CSNK1E: variants seen among roughly 807,000 people sequenced by gnomAD.
CSNK1E encodes the protein casein kinase I isoform epsilon.
CSNK1E carries 17 observed loss-of-function variants against 46.1 expected under a neutral mutation model. That is an observed-to-expected ratio of 0.37 (90% CI 0.25 to 0.55). The LOEUF (loss-of-function observed/expected upper bound fraction) is 0.55. Among genes scored for constraint, CSNK1E ranks in the 20% least tolerant of loss-of-function variants. CSNK1E has a pLI of 0.82. For missense variants in CSNK1E, 386 were observed against 595.4 expected (o/e 0.65, Z 3.66); for synonymous variants, 241 against 242.6 (o/e 0.99, Z 0.06).
At chr22:38,293,160 C>A in intron 10 of CSNK1E, 95 bp downstream of exon 10, 1 of 1,010,300 alleles carries the variant, frequency 9.9e-7, no homozygotes, top group Non-Finnish European at 1.6e-6. Flanking sequence ...CTGCCACTGC[C>A]ACCCACCCCT....
intron 2 of CSNK1E, among the ~76,000 whole-genome samples, chr22:38,307,425 G>T (rs889272602): frequency 6.6e-6 from 1 of 151,816 alleles, no homozygotes; most frequent in African/African-American, 2.4e-5. Context: ...CCGTGGGAGC[G>T]CCTGTAATCC....
intron 4 of CSNK1E, among the ~76,000 whole-genome samples, chr22:38,302,625 C>A (rs1015350792): frequency 6.6e-6 from 1 of 152,176 alleles, no homozygotes. Flanking sequence ...GCAGGAGAAT[C>A]GCGTGAACCT....
chr22:38,310,471 A>G (rs1216570493), intron 2 of CSNK1E, among the ~76,000 whole-genome samples: 1 of 152,214 alleles, frequency 6.6e-6, no homozygotes, highest in Non-Finnish European at 1.5e-5. Context: ...CCGTCCCGGC[A>G]GCAGCAGCGG....
intron 9 of CSNK1E, 65 bp from the exon 10 acceptor site, chr22:38,293,384 TCC>T: frequency 3.9e-6 from 4 of 1,021,326 alleles, no homozygotes; most frequent in Non-Finnish European, 6.0e-6. Flanking sequence ...TCAAGTCAAG[TCC>T]CTTAGCCGCT....
At chr22:38,292,646 A>G (rs1235388422) in intron 10 of CSNK1E, 1 of 153,632 alleles carries the variant, frequency 6.5e-6, no homozygotes, top group Non-Finnish European at 1.4e-5. Context: ...GAGAGCTCAG[A>G]TTATACCCTC....
chr22:38,301,885 A>G (rs868171026), intron 4 of CSNK1E, among the ~76,000 whole-genome samples: 43 of 152,212 alleles, frequency 2.8e-4, no homozygotes, highest in Middle Eastern at 3.4e-3. Context: ...TTCAGCCTAC[A>G]TCGCAGGGCT....
Position 38,291,035 on chromosome 22 carries a change from G to A in CSNK1E, c.*936C>T, listed in dbSNP as rs752318710. On this transcript the variant is annotated 3_prime_UTR_variant, in exon 11 of 11. Coordinates refer to ENST00000396832, the MANE Select transcript of CSNK1E (RefSeq NM_152221.3). ...CTCCTCAGAAAGGTGGAACCAGGGA[G>A]AGGGGGGACCCCAGGTGACTGTCAG... The A allele has an allele frequency of 3.9e-5, 6 of 152,338 alleles. No homozygotes were observed. The highest frequency in any genetic ancestry group is 8.8e-5 in the Non-Finnish European group (6 of 68,058). The allele number at this position is 152,338 out of a possible 1,614,324, so 9.4% of individuals were successfully genotyped here.
chr22:38,294,733 G>A lies in CSNK1E; in HGVS notation c.886-199C>T, dbSNP rs571072963. On this transcript the variant is annotated intron_variant, in intron 7 of 10. Transcript: ENST00000396832. This position sits in a 1 kb window ranked among gnomAD's most constrained non-coding sequence, Gnocchi z 5.5. ...GACACGAAGCCACACAACCACCAGAGGAAGGAGAAAGCAGGAGTCTGGGGG... is the reference window on the plus strand; with the variant it reads ...GACACGAAGCCACACAACCACCAGAAGAAGGAGAAAGCAGGAGTCTGGGGG... Among the ~76,000 whole-genome samples the A allele has an allele frequency of 1.9e-4, 29 of 152,268 alleles. No homozygotes were observed. The South Asian group carries it at 5.0e-3, about 26-fold the overall frequency.
At position 38,311,251 on chromosome 22, in the gene CSNK1E, G is replaced by A. The variant is rs186418102; in HGVS notation, c.76+2831C>T. Reference sequence around the variant, plus strand: ...AGATGGGGAAGCCAAGGATGGACAAGGTCATCACCTGCTCAAGCGCATACA... The same window carrying A: ...AGATGGGGAAGCCAAGGATGGACAAAGTCATCACCTGCTCAAGCGCATACA... On this transcript the variant is annotated intron_variant, in intron 2 of 10. Coordinates refer to ENST00000396832, the MANE Select transcript of CSNK1E (RefSeq NM_152221.3). Among the ~76,000 whole-genome samples, 13 of 152,316 alleles carry A rather than the reference G, an allele frequency of 8.5e-5. No individual in the cohort carries two copies. In the East Asian group the frequency reaches 2.1e-3, roughly 25 times the overall value.
chr22:38,298,175 C>T lies in CSNK1E; in HGVS notation c.885+611G>A, dbSNP rs901329667. Reference sequence around the variant, plus strand: ...TCCCTTCGCTGTCATGGGGCTGTCACGGGGCTGAGCCTGGCTCGAGGAAGC... The same window carrying T: ...TCCCTTCGCTGTCATGGGGCTGTCATGGGGCTGAGCCTGGCTCGAGGAAGC... On this transcript the variant is annotated intron_variant, in intron 7 of 10. Coordinates refer to ENST00000396832, the MANE Select transcript of CSNK1E (RefSeq NM_152221.3). The surrounding 1 kb of genome is among the most constrained non-coding windows in gnomAD (Gnocchi z 4.2). The T allele has an allele frequency of 3.0e-5, 39 of 1,303,266 alleles. No individual in the cohort carries two copies. Among genetic ancestry groups the T allele is most frequent in the East Asian group, 1.1e-4 (2 of 18,032 alleles). 80.7% of individuals were successfully genotyped at this position (1,303,266 alleles called of 1,614,324 possible).
intron 2 of CSNK1E, among the ~76,000 whole-genome samples, chr22:38,308,052 T>C (rs2092705881): frequency 6.6e-6 from 1 of 152,084 alleles, no homozygotes. Flanking sequence ...TAAGGTCCTA[T>C]CTCCTCGCTC....
Position 38,314,162 on chromosome 22 carries a change from C to T in CSNK1E, c.-5G>A. 2 of 1,613,920 alleles carry T rather than the reference C, an allele frequency of 1.2e-6. No homozygotes were observed. The highest frequency in any genetic ancestry group is 1.7e-6 in the Non-Finnish European group (2 of 1,179,828). ...GTTCCCCACACGTAGCTCCATGGCTCACTCTTGCTGCAGAGGAAGCAGGAA... is the reference window on the plus strand; with the variant it reads ...GTTCCCCACACGTAGCTCCATGGCTTACTCTTGCTGCAGAGGAAGCAGGAA... On this transcript the variant is annotated 5_prime_UTR_variant, in exon 2 of 11. Coordinates refer to ENST00000396832, the MANE Select transcript of CSNK1E (RefSeq NM_152221.3).
chr22:38,294,280 T>C lies in CSNK1E; in HGVS notation c.1079-32A>G. ...GGAGAGTGGGAAGCCACCCTCAGAG[T>C]AGGCACAAACAGAGCCCCCCACCCA... On this transcript the variant is annotated intron_variant, in intron 8 of 10. Transcript: ENST00000396832. This position sits in a 1 kb window ranked among gnomAD's most constrained non-coding sequence, Gnocchi z 5.5. The C allele has an allele frequency of 6.2e-7, 1 of 1,605,088 alleles. No homozygotes were observed. Among genetic ancestry groups the C allele is most frequent in the Non-Finnish European group, 8.5e-7 (1 of 1,177,026 alleles).
intron 2 of CSNK1E, among the ~76,000 whole-genome samples, chr22:38,312,540 G>C (rs558701760): frequency 1.1e-4 from 16 of 152,236 alleles, no homozygotes; most frequent in African/African-American, 3.6e-4. Flanking sequence ...CTGCCTCCCC[G>C]GGAGTAGCTT....
At chr22:38,315,545 C>T (rs1198774112) in intron 1 of CSNK1E, among the ~76,000 whole-genome samples, 1 of 152,158 alleles carries the variant, frequency 6.6e-6, no homozygotes, top group Non-Finnish European at 1.5e-5. Flanking sequence ...CGCCACACAT[C>T]CCACGTACAC....
chr22:38,297,153 C>T (rs757350891), intron 7 of CSNK1E: 13 of 778,704 alleles, frequency 1.7e-5, no homozygotes, highest in Non-Finnish European at 2.4e-5. Flanking sequence ...GGACAGTGTC[C>T]GTCTAGAGAA....
Position 38,307,629 on chromosome 22 carries a change from CAG to C in CSNK1E, c.77-4383_77-4382del, listed in dbSNP as rs573513510. 9.0e-4 allele frequency among the ~76,000 whole-genome samples: 137 copies of C among 152,318 alleles called. 1 individual carries two copies. Among genetic ancestry groups the C allele is most frequent in the African/African-American group, 2.6e-3 (108 of 41,576 alleles). On this transcript the variant is annotated intron_variant, in intron 2 of 10. Transcript: ENST00000396832. Reference sequence around the variant, plus strand: ...CTTTTTATATCAGGAACTTGAGAATCAGAGGATTCTGGTATCTGAGGGGGATC... The same window carrying C: ...CTTTTTATATCAGGAACTTGAGAATCAGGATTCTGGTATCTGAGGGGGATC...
chr22:38,310,679 C>T (rs896800796), intron 2 of CSNK1E, among the ~76,000 whole-genome samples: 7 of 152,344 alleles, frequency 4.6e-5, no homozygotes, highest in African/African-American at 1.7e-4. Flanking sequence ...CTGGACCCTG[C>T]ATGGGCAACA....
At chr22:38,308,066 C>A (rs2092705989) in intron 2 of CSNK1E, among the ~76,000 whole-genome samples, 1 of 152,154 alleles carries the variant, frequency 6.6e-6, no homozygotes, top group Admixed American at 6.6e-5. Context: ...CTCGCTCCAT[C>A]CCCTGCCCCC....
Sources: gnomAD v4.1 joint callset for allele counts (sites outside exome capture counted in the v4.1 genomes callset) on GRCh38, gnomAD v4.1.1 for gene constraint, Gnocchi (gnomAD v3.1) non-coding constraint, MANE v1.5 for transcripts, NCBI Gene and HGNC (gene_info 2026-07-23, HGNC 2026-07-21) for gene names.